ENPP1: variants seen among roughly 807,000 people sequenced by gnomAD.
The protein encoded by ENPP1 is ectonucleotide pyrophosphatase/phosphodiesterase family member 1.
In ENPP1, 73 loss-of-function variants were observed where a neutral mutation model predicts 122.8. That is an observed-to-expected ratio of 0.59 (90% CI 0.49 to 0.72). ENPP1 has a LOEUF of 0.72. Ranked by LOEUF, ENPP1 falls within the 30% of genes least tolerant of loss-of-function variation. ENPP1 has a pLI of 0.00. For missense variants in ENPP1, 978 were observed against 1,128.1 expected (o/e 0.87, Z 1.91); for synonymous variants, 367 against 391.6 (o/e 0.94, Z 0.74).
Position 131,808,203 on chromosome 6 carries a change from G to A in ENPP1, c.168G>A (p.Gly56=). The A allele has an allele frequency of 1.3e-6, 2 of 1,511,194 alleles. No individual in the cohort carries two copies. Among genetic ancestry groups the A allele is most frequent in the Non-Finnish European group, 1.8e-6 (2 of 1,129,772 alleles). The allele number at this position is 1,511,194 out of a possible 1,614,324, so 93.6% of individuals were successfully genotyped here. ...CCTTGCTGGCCCCTATGGACGTGGG[G>A]GAGGAGCCGCTGGAGAAGGCGGCGC... ...AASLLAPMDV[G]EEPLEKAARA... The change falls in exon 1 of 25, where the codon GGG becomes GGA. Residue 56 remains glycine, a synonymous_variant. Transcript: ENST00000647893.
chr6:131,812,865 A>G (rs947935430), intron 1 of ENPP1, among the ~76,000 whole-genome samples: 2 of 152,060 alleles, frequency 1.3e-5, no homozygotes, highest in African/African-American at 4.8e-5. Flanking sequence ...TTTTTGAGAC[A>G]GTCTTGCTCT....
intron 1 of ENPP1, among the ~76,000 whole-genome samples, chr6:131,817,414 G>T (rs1781427984): frequency 6.6e-6 from 1 of 152,128 alleles, no homozygotes; most frequent in Non-Finnish European, 1.5e-5. Flanking sequence ...AGATTTTCCT[G>T]GGTGGAAGCC....
At chr6:131,845,924 C>T (rs1218940169) in intron 1 of ENPP1, among the ~76,000 whole-genome samples, 1 of 152,186 alleles carries the variant, frequency 6.6e-6, no homozygotes, top group Non-Finnish European at 1.5e-5. Context: ...TACACACACA[C>T]ACAAAGAAAA....
At chr6:131,842,293 G>T (rs1486733707) in intron 1 of ENPP1, among the ~76,000 whole-genome samples, 3 of 152,184 alleles carry the variant, frequency 2.0e-5, no homozygotes, top group Non-Finnish European at 4.4e-5. Context: ...CTCCTTCCCA[G>T]GCTGGTGTTG....
intron 1 of ENPP1, chr6:131,827,926 C>T (rs1781565355): frequency 2.0e-5 from 22 of 1,093,518 alleles, no homozygotes; most frequent in Admixed American, 8.6e-5. Context: ...GCAGGTGGTC[C>T]GTGGAGAATC....
At chr6:131,810,461 A>C (rs766592) in intron 1 of ENPP1, among the ~76,000 whole-genome samples, 1 of 119,150 alleles carries the variant, frequency 8.4e-6, no homozygotes, top group African/African-American at 3.0e-5. Context: ...CCCCCCCCAA[A>C]AACTTCCCCA....
chr6:131,833,087 G>C (rs1275109541), intron 1 of ENPP1, among the ~76,000 whole-genome samples: 1 of 152,178 alleles, frequency 6.6e-6, no homozygotes, highest in African/African-American at 2.4e-5. Context: ...AATAGAAATG[G>C]AATTGCAAGA....
intron 20 of ENPP1, among the ~76,000 whole-genome samples, chr6:131,880,533 C>A (rs1233523461): frequency 6.6e-6 from 1 of 150,980 alleles, no homozygotes; most frequent in Non-Finnish European, 1.5e-5. Flanking sequence ...CGCCACTGTA[C>A]TCTAGCCTGG....
In ENPP1 at chr6:131,833,536, T is replaced by C. The variant is rs1199233028; in HGVS notation, c.241-14240T>C. 1.3e-5 allele frequency among the ~76,000 whole-genome samples: 2 copies of C among 152,206 alleles called. 1 individual carries two copies. The highest frequency in any genetic ancestry group is 1.3e-4 in the Admixed American group (2 of 15,270). On this transcript the variant is annotated intron_variant, in intron 1 of 24. Transcript: ENST00000647893. ...TTATGAACTCAAATGTATCAACTTTTCCATTATCATTTTTGGATTTTGTGT... is the reference window on the plus strand; with the variant it reads ...TTATGAACTCAAATGTATCAACTTTCCCATTATCATTTTTGGATTTTGTGT...
intron 1 of ENPP1, among the ~76,000 whole-genome samples, chr6:131,829,117 G>T (rs1400695203): frequency 6.6e-6 from 1 of 152,248 alleles, no homozygotes; most frequent in Non-Finnish European, 1.5e-5. Flanking sequence ...GAAAAACTAT[G>T]TTTTTTGGAT....
At chr6:131,832,730 G>T (rs1681001514) in intron 1 of ENPP1, among the ~76,000 whole-genome samples, 1 of 152,152 alleles carries the variant, frequency 6.6e-6, no homozygotes, top group African/African-American at 2.4e-5. Context: ...GCATTTAGGG[G>T]CTGGCCAGGC....
At chr6:131,837,778 C>G (rs1048558551) in intron 1 of ENPP1, among the ~76,000 whole-genome samples, 10 of 152,080 alleles carry the variant, frequency 6.6e-5, no homozygotes, top group African/African-American at 2.4e-4. Flanking sequence ...GCATTCTGCT[C>G]TAAGACAATT....
Position 131,855,016 on chromosome 6 carries a change from C to G in ENPP1, c.708C>G (p.Ser236Arg). 2 of 1,594,822 alleles carry G rather than the reference C, an allele frequency of 1.3e-6. No individual in the cohort carries two copies. Residue 236 changes from serine to arginine, a missense_variant, in exon 6 of 25, where the codon AGC (serine) becomes AGG (arginine). Physicochemically the swap from Ser to Arg is moderately radical, Grantham distance 110. Transcript: ENST00000647893. ...HTWGGLLPVI[S>R]KLKKCGTYTK... ...GGGGTGGACTTCTTCCTGTTATTAG[C>G]AAACTAAGTGAGTAACTTCAGAGTT...
At chr6:131,808,326 G>A in intron 1 of ENPP1, 51 bp downstream of exon 1, 1 of 1,459,028 alleles carries the variant, frequency 6.9e-7, no homozygotes, top group Non-Finnish European at 9.1e-7. Flanking sequence ...AGTACGGGGA[G>A]GGCGGCGCCG....
At chr6:131,860,363 T>G in intron 7 of ENPP1, 24 bp from the exon 8 acceptor site, 5 of 1,569,390 alleles carry the variant, frequency 3.2e-6, no homozygotes, top group Non-Finnish European at 4.4e-6. Context: ...ACAACTTGCA[T>G]ATAATCTGTT....
chr6:131,893,402 G>A lies in ENPP1; in HGVS notation c.*2891G>A, dbSNP rs1782498400. 1 of 152,264 alleles carries A rather than the reference G, an allele frequency of 6.6e-6. No homozygotes were observed. The highest frequency in any genetic ancestry group is 2.1e-4 in the South Asian group (1 of 4,828). The allele number at this position is 152,264 out of a possible 1,614,324, so 9.4% of individuals were successfully genotyped here. ...CAAAAGAGACACTGGATGCTTCTTG[G>A]TAGTAGAGGCAGTGGCTTCCCAGCC... On this transcript the variant is annotated 3_prime_UTR_variant, in exon 25 of 25. Coordinates refer to ENST00000647893, the MANE Select transcript of ENPP1 (RefSeq NM_006208.3).
chr6:131,858,234 G>A (rs902655355), intron 6 of ENPP1, among the ~76,000 whole-genome samples: 1 of 152,074 alleles, frequency 6.6e-6, no homozygotes, highest in Admixed American at 6.6e-5. Flanking sequence ...GTTTGTCCAG[G>A]GTTAGCTGCT....
intron 1 of ENPP1, among the ~76,000 whole-genome samples, chr6:131,830,913 C>T (rs1203835267): frequency 1.3e-5 from 2 of 151,658 alleles, no homozygotes; most frequent in Non-Finnish European, 2.9e-5. Flanking sequence ...GAGTTCAAGA[C>T]CAGCCGTGGC....
At chr6:131,810,294 G>A (rs999992343) in intron 1 of ENPP1, among the ~76,000 whole-genome samples, 1 of 152,256 alleles carries the variant, frequency 6.6e-6, no homozygotes. Context: ...GAAAGTTAAG[G>A]CTGCAGTGAA....
Sources: gnomAD v4.1 joint callset for allele counts (sites outside exome capture counted in the v4.1 genomes callset) on GRCh38, gnomAD v4.1.1 for gene constraint, MANE v1.5 for transcripts, NCBI Gene and HGNC (gene_info 2026-07-23, HGNC 2026-07-21) for gene names.